FAM81A: variants seen among roughly 807,000 people sequenced by gnomAD.
FAM81A encodes the protein family with sequence similarity 81 member A, also known as protein FAM81A.
Under a neutral mutation model 46.7 loss-of-function variants are expected in FAM81A, and 19 were observed. The observed-to-expected ratio is 0.41, with a 90% confidence interval of 0.28 to 0.60. FAM81A has a LOEUF of 0.60. Among genes scored for constraint, FAM81A ranks in the 20% least tolerant of loss-of-function variants. FAM81A has a pLI of 0.34. For missense variants in FAM81A, 377 were observed against 453.5 expected (o/e 0.83, Z 1.53); for synonymous variants, 183 against 152.9 (o/e 1.20, Z -1.45).
At position 59,401,204 on chromosome 15, in the gene FAM81A, A is replaced by G. The variant is rs1567034195; in HGVS notation, c.-160-1072A>G. The G allele has an allele frequency of 6.9e-6, 6 of 873,334 alleles. 1 individual carries two copies. The highest frequency in any genetic ancestry group is 6.5e-5 in the South Asian group (5 of 76,428). The allele number at this position is 873,334 out of a possible 1,614,324, so 54.1% of individuals were successfully genotyped here. On this transcript the variant is annotated intron_variant, in intron 1 of 4. Transcript: ENST00000558348. ...AATTGGTGCGTAGTCCTCAATAATT[A>G]TATATGAAATTGCTGTCGAACCAGT... is the stretch of plus-strand genomic sequence containing the variant.
intron 1 of FAM81A, among the ~76,000 whole-genome samples, chr15:59,442,717 T>G (rs2081313529): frequency 6.6e-6 from 1 of 152,100 alleles, no homozygotes; most frequent in Non-Finnish European, 1.5e-5. Flanking sequence ...CTCTAAATAT[T>G]AATTTTTACC....
intron 4 of FAM81A, among the ~76,000 whole-genome samples, chr15:59,493,918 T>C (rs550318943): frequency 5.6e-4 from 85 of 152,244 alleles, no homozygotes; most frequent in African/African-American, 1.9e-3. Context: ...CTTTTCAGTC[T>C]TTAAAGTTCA....
chr15:59,444,465 C>CA (rs1314066875), intron 1 of FAM81A, among the ~76,000 whole-genome samples: 1 of 151,878 alleles, frequency 6.6e-6, no homozygotes, highest in African/African-American at 2.4e-5. Context: ...TTTGATTTTT[C>CA]AAAAAAAGAG....
chr15:59,409,212 T>C (rs1321324831), intron 2 of FAM81A, among the ~76,000 whole-genome samples: 1 of 152,098 alleles, frequency 6.6e-6, no homozygotes, highest in African/African-American at 2.4e-5. Context: ...TTGTTTCTAC[T>C]CCAGGTCTGG....
chr15:59,503,920 T>C (rs1450977220), intron 4 of FAM81A, among the ~76,000 whole-genome samples: 1 of 152,194 alleles, frequency 6.6e-6, no homozygotes, highest in Non-Finnish European at 1.5e-5. Flanking sequence ...TACTTGTGTT[T>C]CCAAGTGAGA....
intron 4 of FAM81A, among the ~76,000 whole-genome samples, chr15:59,501,886 G>A (rs1269795526): frequency 1.3e-5 from 2 of 152,138 alleles, no homozygotes; most frequent in East Asian, 1.9e-4. Context: ...AGCCATATGC[G>A]CAGTTATATT....
At chr15:59,476,269 C>CCGGAA (rs1359332434) in intron 3 of FAM81A, among the ~76,000 whole-genome samples, 2 of 150,480 alleles carry the variant, frequency 1.3e-5, no homozygotes, top group Non-Finnish European at 2.9e-5. Context: ...GTCATTCAGG[C>CCGGAA]TGGAATGCAG....
chr15:59,475,753 G>GT (rs369020479), intron 3 of FAM81A, among the ~76,000 whole-genome samples: 10 of 152,288 alleles, frequency 6.6e-5, no homozygotes, highest in African/African-American at 2.4e-4. Context: ...CAACAAGGAA[G>GT]TTTAAAAATT....
At chr15:59,429,470 T>C (rs1394595779) in intron 2 of FAM81A, among the ~76,000 whole-genome samples, 1 of 152,244 alleles carries the variant, frequency 6.6e-6, no homozygotes, top group Non-Finnish European at 1.5e-5. Flanking sequence ...TTTAAAGTTT[T>C]ACTTAGAATT....
At position 59,522,303 on chromosome 15, in the gene FAM81A, A is replaced by C. The variant is rs551984188; in HGVS notation, c.*925A>C. 8 of 152,662 alleles carry C rather than the reference A, an allele frequency of 5.2e-5. No individual in the cohort carries two copies. The highest frequency in any genetic ancestry group is 1.9e-4 in the African/African-American group (8 of 41,460). The allele number at this position is 152,662 out of a possible 1,614,324, so 9.5% of individuals were successfully genotyped here. ...TTTTGTGCCTTGGTTTTATCATGTC[A>C]ATGCACTGTACTCTGTAAAAGTTTT... On this transcript the variant is annotated 3_prime_UTR_variant, in exon 9 of 9. Coordinates refer to ENST00000288228, the MANE Select transcript of FAM81A (RefSeq NM_152450.3).
In FAM81A at chr15:59,522,164, G is replaced by A. The variant is rs1428934578; in HGVS notation, c.*786G>A. The A allele has an allele frequency of 6.6e-6, 1 of 152,546 alleles. No individual in the cohort carries two copies. Among genetic ancestry groups the A allele is most frequent in the Non-Finnish European group, 1.5e-5 (1 of 68,026 alleles). 9.4% of individuals were successfully genotyped at this position (152,546 alleles called of 1,614,324 possible). A position where few individuals can be genotyped will look rare whatever the true frequency, so the allele number is the denominator to read the frequency against. On this transcript the variant is annotated 3_prime_UTR_variant, in exon 9 of 9. Coordinates refer to ENST00000288228, the MANE Select transcript of FAM81A (RefSeq NM_152450.3). ...AATGGTGGTTAACAGTCTATTTACTGCACAATTAATTGTTCACTAATCAAA... is the reference window on the plus strand; with the variant it reads ...AATGGTGGTTAACAGTCTATTTACTACACAATTAATTGTTCACTAATCAAA...
At chr15:59,496,276 C>G (rs73417057) in intron 4 of FAM81A, among the ~76,000 whole-genome samples, 1 of 152,162 alleles carries the variant, frequency 6.6e-6, no homozygotes, top group East Asian at 1.9e-4. Flanking sequence ...AAAGTCTATT[C>G]TTTCCCCCAT....
chr15:59,476,303 G>C (rs1191347837), intron 3 of FAM81A, among the ~76,000 whole-genome samples: 2 of 151,358 alleles, frequency 1.3e-5, no homozygotes, highest in African/African-American at 4.9e-5. Flanking sequence ...GCTCACTGCA[G>C]CCTCAACCTC....
chr15:59,521,391 CA>C lies in FAM81A; in HGVS notation c.*15del. On this transcript the variant is annotated 3_prime_UTR_variant, in exon 9 of 9. Coordinates refer to ENST00000288228, the MANE Select transcript of FAM81A (RefSeq NM_152450.3). ...GACCCCCATGTGAAGGGAGCTGGGACAAGGTCCTAAAAGACAGTTTTGCCAG... is the reference window on the plus strand; with the variant it reads ...GACCCCCATGTGAAGGGAGCTGGGACAGGTCCTAAAAGACAGTTTTGCCAG... 6.3e-7 allele frequency: 1 copy of C among 1,596,106 alleles called. No individual in the cohort carries two copies.
At chr15:59,462,474 C>G (rs1203080896) in intron 3 of FAM81A, among the ~76,000 whole-genome samples, 1 of 152,052 alleles carries the variant, frequency 6.6e-6, no homozygotes, top group African/African-American at 2.4e-5. Context: ...CTATGTAAGT[C>G]TTCTACCCAT....
chr15:59,518,734 G>A (rs986204368), intron 8 of FAM81A, among the ~76,000 whole-genome samples: 2 of 151,388 alleles, frequency 1.3e-5, no homozygotes, highest in African/African-American at 2.4e-5. Flanking sequence ...AATTTTCAAC[G>A]TGCCATTATT....
At chr15:59,411,120 T>C (rs553211778) in intron 2 of FAM81A, among the ~76,000 whole-genome samples, 6 of 152,308 alleles carry the variant, frequency 3.9e-5, no homozygotes, top group East Asian at 1.9e-4. Flanking sequence ...TTAAAGTATA[T>C]TAGCTTTTAT....
chr15:59,411,089 A>T (rs755222491), intron 2 of FAM81A, among the ~76,000 whole-genome samples: 6 of 152,152 alleles, frequency 3.9e-5, no homozygotes, highest in Non-Finnish European at 7.3e-5. Context: ...CAGGCTTTTC[A>T]TTCAGCTTTT....
chr15:59,514,422 A>G lies in FAM81A; in HGVS notation c.784A>G (p.Ser262Gly), dbSNP rs759159537. 6.2e-6 allele frequency: 10 copies of G among 1,612,222 alleles called. No homozygotes were observed. The South Asian group carries it at 1.1e-4, about 18-fold the overall frequency. Residue 262 changes from serine to glycine, a missense_variant and splice_region_variant, in exon 7 of 9, where the codon AGT (serine) becomes GGT (glycine). Ser to Gly is a moderately conservative substitution (Grantham distance 56). Transcript: ENST00000288228. ...GCTTTCCTTGATTGTTAAGGAAAAC[A>G]GTGTAGGTATTGATGTTTAGCAAAA... Reference protein sequence around the residue: ...DQLSLIVKENSGASERDMEKK... With the variant: ...DQLSLIVKENGGASERDMEKK...
Sources: allele counts gnomAD v4.1 joint callset (sites outside exome capture counted in the v4.1 genomes callset), GRCh38; gene constraint gnomAD v4.1.1; transcripts MANE v1.5; gene names NCBI Gene and HGNC (gene_info 2026-07-23, HGNC 2026-07-21).